AGAP1: variants seen among roughly 807,000 people sequenced by gnomAD.
AGAP1 encodes ArfGAP with GTPase domain, ankyrin repeat and PH domain 1.
In AGAP1, 29 loss-of-function variants were observed where a neutral mutation model predicts 105.3. The observed-to-expected ratio is 0.28, with a 90% confidence interval of 0.21 to 0.38. AGAP1 has a LOEUF of 0.38. Among genes scored for constraint, AGAP1 ranks in the 10% least tolerant of loss-of-function variants. AGAP1 has a pLI of 1.00. For missense variants in AGAP1, 998 were observed against 1,165.1 expected (o/e 0.86, Z 2.09); for synonymous variants, 509 against 485.9 (o/e 1.05, Z -0.63).
At chr2:235,531,144 T>C (rs1943031591) in intron 1 of AGAP1, among the ~76,000 whole-genome samples, 1 of 152,238 alleles carries the variant, frequency 6.6e-6, no homozygotes, top group Non-Finnish European at 1.5e-5. Flanking sequence ...AGTCTTAGTT[T>C]GGGATCACAA....
chr2:236,122,680 ATTTTTTTTTTTT>A (rs71039713), intron 17 of AGAP1, among the ~76,000 whole-genome samples: 1 of 123,608 alleles, frequency 8.1e-6, no homozygotes, highest in Admixed American at 8.6e-5. Flanking sequence ...TCCAGTGACA[ATTTTTTTTTTTT>A]TTTTTTTTGA....
intron 1 of AGAP1, among the ~76,000 whole-genome samples, chr2:235,678,420 G>A (rs1044303534): frequency 3.9e-5 from 6 of 152,190 alleles, no homozygotes; most frequent in Non-Finnish European, 8.8e-5. Flanking sequence ...AAAGGAAAAA[G>A]ATTGGGGCTC....
At chr2:235,640,716 A>T (rs1947161204) in intron 1 of AGAP1, among the ~76,000 whole-genome samples, 1 of 152,226 alleles carries the variant, frequency 6.6e-6, no homozygotes, top group Non-Finnish European at 1.5e-5. Flanking sequence ...TCTATTAAAA[A>T]TGTCGTGGGG....
At chr2:235,773,889 TTTTC>T (rs1341141069) in intron 6 of AGAP1, 2 of 449,684 alleles carry the variant, frequency 4.4e-6, no homozygotes, top group African/African-American at 4.1e-5. Context: ...GAAGAGACTT[TTTTC>T]TTCTTTTCTT....
chr2:235,524,026 C>A (rs1352788810), intron 1 of AGAP1, among the ~76,000 whole-genome samples: 1 of 152,198 alleles, frequency 6.6e-6, no homozygotes, highest in Non-Finnish European at 1.5e-5. Context: ...GGATTGTGCC[C>A]GGCTTCCCCA....
rs749352719 is a variant in AGAP1, at chr2:235,931,221, C to T, written c.1483+298C>T. On this transcript the variant is annotated intron_variant, in intron 12 of 17. Coordinates refer to ENST00000304032, the MANE Select transcript of AGAP1 (RefSeq NM_001037131.3). This position sits in a 1 kb window ranked among gnomAD's most constrained non-coding sequence, Gnocchi z 5.6. ...AGGGCAACTGGCTTACCCAGGGTCA[C>T]GTGACAGAAGTGGCAGCGCTGAGAA... is the stretch of plus-strand genomic sequence containing the variant. Among the ~76,000 whole-genome samples, 24 of 152,164 alleles carry T rather than the reference C, an allele frequency of 1.6e-4. No homozygotes were observed. The highest frequency in any genetic ancestry group is 4.8e-4 in the African/African-American group (20 of 41,434).
At chr2:236,077,879 A>G (rs1004720535) in intron 16 of AGAP1, among the ~76,000 whole-genome samples, 8 of 152,242 alleles carry the variant, frequency 5.3e-5, no homozygotes, top group African/African-American at 1.7e-4. Context: ...GCTGCTCTCC[A>G]GAAGGGTGGT....
In AGAP1 at chr2:235,728,010, G is replaced by A. The variant is rs1951735669; in HGVS notation, c.310+10366G>A. ...CTCAGCACCGATTAGAGCTGGGATT[G>A]CCTCTCGCAACTCCCCAAAGAAAAT... On this transcript the variant is annotated intron_variant, in intron 3 of 17. Transcript: ENST00000304032. The surrounding 1 kb of genome is among the most constrained non-coding windows in gnomAD (Gnocchi z 4.3). 6.6e-6 allele frequency among the ~76,000 whole-genome samples: 1 copy of A among 152,170 alleles called. No homozygotes were observed. The highest frequency in any genetic ancestry group is 1.5e-5 in the Non-Finnish European group (1 of 68,040).
Position 235,729,291 on chromosome 2 carries a change from C to T in AGAP1, c.310+11647C>T, listed in dbSNP as rs7579748. 0.012 allele frequency among the ~76,000 whole-genome samples: 1,882 copies of T among 152,230 alleles called. 63 individuals carry two copies. Among genetic ancestry groups the T allele is most frequent in the African/African-American group, 0.043 (1,794 of 41,510 alleles). ...AACTGATTCCCAGGTGTGTTTGGGC[C>T]GTCTAGAACCATGTGACCTGGCAGC... On this transcript the variant is annotated intron_variant, in intron 3 of 17. Transcript: ENST00000304032. The surrounding 1 kb of genome is among the most constrained non-coding windows in gnomAD (Gnocchi z 5.0).
At chr2:236,110,145 A>C (rs2059606807) in intron 16 of AGAP1, among the ~76,000 whole-genome samples, 1 of 152,188 alleles carries the variant, frequency 6.6e-6, no homozygotes, top group African/African-American at 2.4e-5. Context: ...AGATGGGGGT[A>C]AGAATAGGAC....
At chr2:235,945,255 C>T (rs1027104423) in intron 12 of AGAP1, among the ~76,000 whole-genome samples, 8 of 152,102 alleles carry the variant, frequency 5.3e-5, no homozygotes, top group Non-Finnish European at 7.3e-5. Flanking sequence ...TGCCCGCCAC[C>T]GCGCCCGGCT....
chr2:235,538,177 C>G (rs1574798210), intron 1 of AGAP1, among the ~76,000 whole-genome samples: 1 of 152,050 alleles, frequency 6.6e-6, no homozygotes, highest in Non-Finnish European at 1.5e-5. Context: ...TTATTTGGAG[C>G]CTTTCACTGT....
Position 235,900,603 on chromosome 2 carries a change from C to T in AGAP1, c.1156-8135C>T, listed in dbSNP as rs975434288. On this transcript the variant is annotated intron_variant, in intron 10 of 17. Coordinates refer to ENST00000304032, the MANE Select transcript of AGAP1 (RefSeq NM_001037131.3). This position sits in a 1 kb window ranked among gnomAD's most constrained non-coding sequence, Gnocchi z 5.5. ...ATTGGACACTGATTCAGAGCATACA[C>T]AGCCTTCTGGAGAACTTTGCCTCAG... Among the ~76,000 whole-genome samples, 3 of 152,200 alleles carry T rather than the reference C, an allele frequency of 2.0e-5. No individual in the cohort carries two copies. The highest frequency in any genetic ancestry group is 7.2e-5 in the African/African-American group (3 of 41,448).
intron 8 of AGAP1, among the ~76,000 whole-genome samples, chr2:235,802,818 T>TGTTG (rs1553637354): frequency 2.7e-5 from 4 of 148,784 alleles, no homozygotes; most frequent in Non-Finnish European, 6.0e-5. Context: ...GTGGTGGTGA[T>TGTTG]GTTGTGGTTG....
In AGAP1 at chr2:235,733,679, G is replaced by A. The variant is rs189286875; in HGVS notation, c.311-7284G>A. On this transcript the variant is annotated intron_variant, in intron 3 of 17. Transcript: ENST00000304032. This position sits in a 1 kb window ranked among gnomAD's most constrained non-coding sequence, Gnocchi z 5.0. ...CGGTTAAATGAAACCATGAGAGACC[G>A]TGGCCTGCCCAAGGAAATCGTGTTA... is the stretch of plus-strand genomic sequence containing the variant. 4.6e-5 allele frequency among the ~76,000 whole-genome samples: 7 copies of A among 152,248 alleles called. No individual in the cohort carries two copies. The highest frequency in any genetic ancestry group is 1.3e-4 in the Admixed American group (2 of 15,296).
chr2:235,798,610 G>C (rs1052069196), intron 7 of AGAP1, among the ~76,000 whole-genome samples: 1 of 152,156 alleles, frequency 6.6e-6, no homozygotes, highest in Non-Finnish European at 1.5e-5. Flanking sequence ...GGGCTGAGTG[G>C]CAGTTGCCTG....
In AGAP1 at chr2:236,027,988, T is replaced by C. The variant is rs763726034; in HGVS notation, c.1646-8573T>C. 6.6e-6 allele frequency among the ~76,000 whole-genome samples: 1 copy of C among 152,200 alleles called. No homozygotes were observed. Among genetic ancestry groups the C allele is most frequent in the Non-Finnish European group, 1.5e-5 (1 of 68,042 alleles). On this transcript the variant is annotated intron_variant, in intron 13 of 17. Transcript: ENST00000304032. The surrounding 1 kb of genome is among the most constrained non-coding windows in gnomAD (Gnocchi z 4.4). ...TGTCTTTATTTCTTCATTATTTGTA[T>C]AGTCCTGTGCTTTTCCAGGTTTAGA...
rs922516435 is a variant in AGAP1 at position 236,035,718 on chromosome 2, A to G, written c.1646-843A>G. Reference sequence around the variant, plus strand: ...GGACTTGGGGGCCGGGAGTAGGGACAGGAATAATGAACAGAGGCCGACGTG... The same window carrying G: ...GGACTTGGGGGCCGGGAGTAGGGACGGGAATAATGAACAGAGGCCGACGTG... On this transcript the variant is annotated intron_variant, in intron 13 of 17. Coordinates refer to ENST00000304032, the MANE Select transcript of AGAP1 (RefSeq NM_001037131.3). The surrounding 1 kb of genome is among the most constrained non-coding windows in gnomAD (Gnocchi z 4.2). Among the ~76,000 whole-genome samples the G allele has an allele frequency of 6.6e-6, 1 of 152,222 alleles. No individual in the cohort carries two copies.
At chr2:235,669,914 A>C (rs1256455318) in intron 1 of AGAP1, 1 of 147,608 alleles carries the variant, frequency 6.8e-6, no homozygotes, top group Non-Finnish European at 1.5e-5. Flanking sequence ...GGACCCCGGC[A>C]CTCGGGCGGC....
Sources: allele counts gnomAD v4.1 joint callset (sites outside exome capture counted in the v4.1 genomes callset), GRCh38; gene constraint gnomAD v4.1.1; non-coding constraint Gnocchi (gnomAD v3.1); transcripts MANE v1.5; gene names NCBI Gene and HGNC (gene_info 2026-07-23, HGNC 2026-07-21).